The following ZNF717 variants were observed in gnomAD, a reference collection of about 807,000 sequenced individuals.
The protein encoded by ZNF717 is zinc finger protein 717.
Under a neutral mutation model 13.8 loss-of-function variants are expected in ZNF717, and 9 were observed. That is an observed-to-expected ratio of 0.65 (90% CI 0.39 to 1.14). The LOEUF (loss-of-function observed/expected upper bound fraction) is 1.14, where lower values mean the gene tolerates loss of function less well. Among genes scored for constraint, ZNF717 ranks in the 50% most tolerant of loss-of-function variants. The pLI is 0.01. For missense variants in ZNF717, 1,040 were observed against 1,080.7 expected, an observed-to-expected ratio of 0.96 and a Z score of 0.53; for synonymous variants, 327 against 364.1, an observed-to-expected ratio of 0.90 and a Z score of 1.16.
At chr3:75,754,564 TAACTG>T (rs1942300749) in intron 2 of ZNF717, among the ~76,000 whole-genome samples, 1 of 152,112 alleles carries the variant, frequency 6.6e-6, no homozygotes, top group African/African-American at 2.4e-5. Flanking sequence ...ATGTGGTAAA[TAACTG>T]AAGAATACCT....
At chr3:75,750,449 T>A (rs112204312) in intron 2 of ZNF717, among the ~76,000 whole-genome samples, 3,639 of 149,466 alleles carry the variant, frequency 0.024, 194 homozygotes, top group African/African-American at 0.084. Flanking sequence ...GTGGTCTGAA[T>A]GCTTGTTCCT....
chr3:75,700,431 A>G (rs1287016697), intron 6 of ZNF717, among the ~76,000 whole-genome samples: 1 of 152,302 alleles, frequency 6.6e-6, no homozygotes, highest in Non-Finnish European at 1.5e-5. Flanking sequence ...AATAGAAAAA[A>G]AAATTCTGAA....
In ZNF717 at chr3:75,738,661, C is replaced by A. The variant is rs1370514635; in HGVS notation, c.962G>T (p.Ser321Ile). 9.6e-7 allele frequency: 1 copy of A among 1,037,086 alleles called. No individual in the cohort carries two copies. The highest frequency in any genetic ancestry group is 1.3e-6 in the Non-Finnish European group (1 of 763,036). The allele number at this position is 1,037,086 out of a possible 1,614,324, so 64.2% of individuals were successfully genotyped here. The change falls in exon 5 of 5, where the codon AGC (serine) becomes ATC (isoleucine). Residue 321 changes from serine (S) to isoleucine (I), a missense_variant. Around this residue, in one of 3 missense-constraint regions of ZNF717, gnomAD observed 873 missense variants for 832.8 expected, o/e 1.05. Coordinates refer to ENST00000652011, the MANE Select transcript of ZNF717 (RefSeq NM_001290208.3). Reference protein sequence around the residue: ...YACNWCEKLFSYKSSLIIHQR... With the variant: ...YACNWCEKLFIYKSSLIIHQR... ...ATGGATAATGAGGCTGGACTTATAG[C>A]TGAACAATTTTTCACACCAGTTACA... is the stretch of plus-strand genomic sequence containing the variant.
At chr3:75,722,482 C>T (rs1575722765) in intron 4 of ZNF717, among the ~76,000 whole-genome samples, 1 of 151,976 alleles carries the variant, frequency 6.6e-6, no homozygotes, top group Admixed American at 6.6e-5. Flanking sequence ...AAATAGTGCC[C>T]CACACAGACA....
chr3:75,772,621 C>T (rs974834683), intron 2 of ZNF717, among the ~76,000 whole-genome samples: 3 of 152,258 alleles, frequency 2.0e-5, no homozygotes, highest in African/African-American at 7.2e-5. Flanking sequence ...CTGCCCACCC[C>T]ACCACAGCTG....
intron 2 of ZNF717, among the ~76,000 whole-genome samples, chr3:75,743,481 C>G (rs1460153123): frequency 6.6e-6 from 1 of 152,162 alleles, no homozygotes; most frequent in Non-Finnish European, 1.5e-5. Context: ...CTGTATCCAC[C>G]CAGGGTGAAC....
chr3:75,737,454 T>C lies in ZNF717; in HGVS notation c.2169A>G (p.Val723=). 2.6e-6 allele frequency: 4 copies of C among 1,555,588 alleles called. No individual in the cohort carries two copies. The highest frequency in any genetic ancestry group is 3.5e-6 in the Non-Finnish European group (4 of 1,149,308). The change falls in exon 5 of 5, where the codon GTA becomes GTG. Residue 723 remains valine, a synonymous_variant. Transcript: ENST00000652011. ...IRRQIFRSIK[V]FTRGRNPMNV... is the part of the protein sequence containing the mutation. ...TCATAGGGTTTCTCCCCCGTGTGAATACCTTGATGCTTCTGAAGATTTGCC... is the reference window on the plus strand; with the variant it reads ...TCATAGGGTTTCTCCCCCGTGTGAACACCTTGATGCTTCTGAAGATTTGCC...
chr3:75,778,953 C>CA (rs1944576520), intron 2 of ZNF717, among the ~76,000 whole-genome samples: 1 of 147,374 alleles, frequency 6.8e-6, no homozygotes. Context: ...GTGCTAAAAC[C>CA]GGAACCCAAA....
At chr3:75,765,187 A>G (rs1296871065) in intron 2 of ZNF717, among the ~76,000 whole-genome samples, 3 of 151,918 alleles carry the variant, frequency 2.0e-5, no homozygotes, top group African/African-American at 4.8e-5. Context: ...CCAAATTTTT[A>G]GAAACACAAA....
chr3:75,730,806 G>A (rs1938486559), intron 5 of ZNF717, among the ~76,000 whole-genome samples: 1 of 152,244 alleles, frequency 6.6e-6, no homozygotes. Flanking sequence ...CACAAATTAA[G>A]AAAAGCTCAA....
intron 2 of ZNF717, among the ~76,000 whole-genome samples, chr3:75,778,682 A>T (rs550445710): frequency 6.6e-6 from 1 of 152,124 alleles, no homozygotes; most frequent in African/African-American, 2.4e-5. Context: ...CAAAAACCCA[A>T]AACAATGGGA....
intron 2 of ZNF717, among the ~76,000 whole-genome samples, chr3:75,775,331 T>C (rs1262046851): frequency 6.6e-6 from 1 of 152,244 alleles, no homozygotes; most frequent in Non-Finnish European, 1.5e-5. Context: ...TGTCTTTAAC[T>C]ATAACTATTT....
rs1225863224 is a variant in ZNF717, at chr3:75,737,013, A to G, written c.2610T>C (p.Tyr870=). 1 of 1,599,146 alleles carries G rather than the reference A, an allele frequency of 6.3e-7. No homozygotes were observed. The highest frequency in any genetic ancestry group is 1.1e-5 in the South Asian group (1 of 89,120). ...HQRTHTGEKP[Y]ECKECGKTFC... ...AGGTTTTCCCACATTCCTTACATTC[A>G]TAAGGTTTTTCTCCTGTGTGTGTTC... is the stretch of plus-strand genomic sequence containing the variant. The change falls in exon 5 of 5, where the codon TAT becomes TAC. Residue 870 remains tyrosine, a synonymous_variant. Coordinates refer to ENST00000652011, the MANE Select transcript of ZNF717 (RefSeq NM_001290208.3).
At chr3:75,759,704 G>C (rs1942808740) in intron 2 of ZNF717, among the ~76,000 whole-genome samples, 1 of 152,026 alleles carries the variant, frequency 6.6e-6, no homozygotes. Flanking sequence ...GAGTAGCTGG[G>C]ACTACAGATG....
chr3:75,784,538 A>G lies in ZNF717; in HGVS notation c.-3+846T>C, dbSNP rs150996736. On this transcript the variant is annotated intron_variant, in intron 1 of 4. Coordinates refer to ENST00000652011, the MANE Select transcript of ZNF717 (RefSeq NM_001290208.3). Reference sequence around the variant, plus strand: ...AACGAGGAAAGGTTGAAGGAATGGGACTGTGTTTGGAGAGTATTTTAATCT... The same window carrying G: ...AACGAGGAAAGGTTGAAGGAATGGGGCTGTGTTTGGAGAGTATTTTAATCT... Among the ~76,000 whole-genome samples, 1,126 of 152,278 alleles carry G rather than the reference A, an allele frequency of 7.4e-3. 9 individuals carry two copies. The highest frequency in any genetic ancestry group is 0.025 in the African/African-American group (1,018 of 41,548).
intron 4 of ZNF717, among the ~76,000 whole-genome samples, chr3:75,724,108 G>T (rs1414090539): frequency 5.3e-5 from 8 of 151,966 alleles, no homozygotes; most frequent in African/African-American, 1.9e-4. Context: ...AACAAGGAAG[G>T]GCCTCCAACC....
At position 75,749,991 on chromosome 3, in the gene ZNF717, G is replaced by A. The variant is rs796849310; in HGVS notation, c.58-8255C>T. ...TGAATGTTTGCCCCTCACACAGGAT[G>A]CCTGAACACTGCTGCTGGGGTCTGA... On this transcript the variant is annotated intron_variant, in intron 2 of 4. Coordinates refer to ENST00000652011, the MANE Select transcript of ZNF717 (RefSeq NM_001290208.3). Among the ~76,000 whole-genome samples, 75 of 136,892 alleles carry A rather than the reference G, an allele frequency of 5.5e-4. 1 individual carries two copies. The highest frequency in any genetic ancestry group is 3.9e-3 in the Admixed American group (54 of 13,854). 89.8% of individuals were successfully genotyped at this position (136,892 alleles called of 152,430 possible). A position where few individuals can be genotyped will look rare whatever the true frequency, so the allele number is the denominator to read the frequency against.
At chr3:75,742,697 T>C (rs1329549285) in intron 2 of ZNF717, among the ~76,000 whole-genome samples, 2 of 152,178 alleles carry the variant, frequency 1.3e-5, no homozygotes, top group Non-Finnish European at 2.9e-5. Context: ...TTTAAGGAAC[T>C]GATTATGCAG....
chr3:75,704,363 A>T (rs79103260), intron 6 of ZNF717, among the ~76,000 whole-genome samples: 51 of 151,160 alleles, frequency 3.4e-4, no homozygotes, highest in African/African-American at 1.2e-3. Context: ...TCATGAAGGG[A>T]CGCCAAGACA....
Sources: allele counts gnomAD v4.1 joint callset (sites outside exome capture counted in the v4.1 genomes callset), GRCh38; gene constraint gnomAD v4.1.1; regional missense constraint gnomAD v4.1.1; transcripts MANE v1.5; gene names NCBI Gene and HGNC (gene_info 2026-07-23, HGNC 2026-07-21).